ZCCHC7: variants seen among roughly 807,000 people sequenced by gnomAD.
ZCCHC7 encodes the protein zinc finger CCHC domain-containing protein 7.
ZCCHC7 carries 35 observed loss-of-function variants against 52.0 expected under a neutral mutation model. The observed-to-expected ratio is 0.67, with a 90% CI of 0.51 to 0.89. The LOEUF (loss-of-function observed/expected upper bound fraction) is 0.89. Ranked by LOEUF, ZCCHC7 falls within the 40% of genes least tolerant of loss-of-function variation. The pLI, the probability that ZCCHC7 is intolerant of heterozygous loss-of-function variation, is 0.00. For synonymous variants in ZCCHC7, 217 were observed against 221.5 expected (o/e 0.98, Z 0.18); for missense variants, 574 against 649.1 (o/e 0.88, Z 1.26).
chr9:37,343,115 G>A lies in ZCCHC7; in HGVS notation c.988-6242G>A, dbSNP rs553066208. Among the ~76,000 whole-genome samples the A allele has an allele frequency of 8.1e-4, 123 of 152,302 alleles. 5 individuals are homozygous for A. In the South Asian group the frequency reaches 0.025, roughly 30 times the overall value. On this transcript the variant is annotated intron_variant, in intron 6 of 8. Transcript: ENST00000336755. ...ACACGAGAATCTCGTAACAGTAATT[G>A]CCGTTGAGGAAAGGGGAACTGAGTG...
intron 2 of ZCCHC7, among the ~76,000 whole-genome samples, chr9:37,163,221 C>CA (rs931150865): frequency 2.5e-4 from 37 of 148,300 alleles, no homozygotes; most frequent in Admixed American, 1.1e-3. Flanking sequence ...AACAAACAAA[C>CA]AAAAAAAAAC....
intron 5 of ZCCHC7, among the ~76,000 whole-genome samples, chr9:37,318,137 A>C (rs1829900453): frequency 6.6e-6 from 1 of 151,898 alleles, no homozygotes; most frequent in South Asian, 2.1e-4. Flanking sequence ...ACTAGATGCA[A>C]CCCAAATATT....
intron 2 of ZCCHC7, among the ~76,000 whole-genome samples, chr9:37,149,413 A>AT (rs572738611): frequency 4.0e-5 from 6 of 150,830 alleles, no homozygotes; most frequent in East Asian, 1.9e-4. Flanking sequence ...TTTCCCACTT[A>AT]TTTTTTTTTA....
chr9:37,136,966 C>G (rs1843022897), intron 2 of ZCCHC7, among the ~76,000 whole-genome samples: 1 of 152,024 alleles, frequency 6.6e-6, no homozygotes, highest in African/African-American at 2.4e-5. Context: ...ATGGTGCTAT[C>G]CTTAAAGAAA....
intron 2 of ZCCHC7, among the ~76,000 whole-genome samples, chr9:37,213,410 T>A (rs1352880199): frequency 1.3e-5 from 2 of 152,160 alleles, no homozygotes; most frequent in Non-Finnish European, 2.9e-5. Flanking sequence ...ATATGTTATT[T>A]TAAGAAATAT....
intron 2 of ZCCHC7, among the ~76,000 whole-genome samples, chr9:37,172,174 T>C (rs952319193): frequency 6.6e-5 from 10 of 152,220 alleles, no homozygotes; most frequent in African/African-American, 2.4e-4. Context: ...TACATGTTAT[T>C]TCGTTTAGAT....
intron 2 of ZCCHC7, among the ~76,000 whole-genome samples, chr9:37,141,209 T>C (rs1843210647): frequency 6.6e-6 from 1 of 151,868 alleles, no homozygotes; most frequent in African/African-American, 2.4e-5. Context: ...TCTGCAAGAG[T>C]GCCCATGCTT....
At chr9:37,319,058 T>G (rs1287231679) in intron 5 of ZCCHC7, among the ~76,000 whole-genome samples, 1 of 152,220 alleles carries the variant, frequency 6.6e-6, no homozygotes, top group Non-Finnish European at 1.5e-5. Flanking sequence ...TATTTGCGAG[T>G]TCTATATTAG....
intron 2 of ZCCHC7, among the ~76,000 whole-genome samples, chr9:37,170,345 A>G (rs982761404): frequency 2.6e-5 from 4 of 152,180 alleles, no homozygotes; most frequent in Non-Finnish European, 1.5e-5. Flanking sequence ...AGATTGCTAC[A>G]CTCAAGAGTT....
intron 2 of ZCCHC7, among the ~76,000 whole-genome samples, chr9:37,290,212 GTAAC>G (rs1226724268): frequency 6.6e-6 from 1 of 152,196 alleles, no homozygotes; most frequent in Non-Finnish European, 1.5e-5. Context: ...GCAAATGATA[GTAAC>G]TGAGTTAATA....
chr9:37,232,570 T>C (rs1179907647), intron 2 of ZCCHC7, among the ~76,000 whole-genome samples: 1 of 152,212 alleles, frequency 6.6e-6, no homozygotes, highest in African/African-American at 2.4e-5. Flanking sequence ...GTTTTTGTAC[T>C]GCCTTGGAGC....
chr9:37,132,454 T>TCCTATCTA (rs1842824250), intron 2 of ZCCHC7, among the ~76,000 whole-genome samples: 1 of 152,136 alleles, frequency 6.6e-6, no homozygotes, highest in South Asian at 2.1e-4. Context: ...GTCTAATCTT[T>TCCTATCTA]CCTATCTATA....
chr9:37,210,186 T>A lies in ZCCHC7; in HGVS notation c.610+83244T>A, dbSNP rs532824981. Among the ~76,000 whole-genome samples, 4 of 152,240 alleles carry A rather than the reference T, an allele frequency of 2.6e-5. No individual in the cohort carries two copies. In the East Asian group the frequency reaches 5.8e-4, roughly 22 times the overall value. ...TTCTTTTTTGTCAGGAAGGGTGTTGTGTATGTGCACTTTATCCCTGAATGC... is the reference window on the plus strand; with the variant it reads ...TTCTTTTTTGTCAGGAAGGGTGTTGAGTATGTGCACTTTATCCCTGAATGC... On this transcript the variant is annotated intron_variant, in intron 2 of 8. Coordinates refer to ENST00000336755, the MANE Select transcript of ZCCHC7 (RefSeq NM_032226.3).
intron 2 of ZCCHC7, among the ~76,000 whole-genome samples, chr9:37,289,849 G>A (rs1219885747): frequency 6.6e-6 from 1 of 152,086 alleles, no homozygotes; most frequent in Non-Finnish European, 1.5e-5. Flanking sequence ...AAACACATCA[G>A]GAATATTTTT....
intron 2 of ZCCHC7, among the ~76,000 whole-genome samples, chr9:37,245,357 TAAAAG>T (rs1056873749): frequency 2.6e-5 from 4 of 151,960 alleles, no homozygotes; most frequent in Non-Finnish European, 2.9e-5. Context: ...AAGACTGAAA[TAAAAG>T]AAAGGAATTT....
chr9:37,199,285 C>T (rs972612492), intron 2 of ZCCHC7, among the ~76,000 whole-genome samples: 32 of 150,280 alleles, frequency 2.1e-4, no homozygotes, highest in Non-Finnish European at 7.4e-5. Context: ...TTCTGTCATT[C>T]TTGGTTTCTA....
chr9:37,257,877 G>A (rs901757272), intron 2 of ZCCHC7, among the ~76,000 whole-genome samples: 4 of 152,114 alleles, frequency 2.6e-5, no homozygotes, highest in African/African-American at 9.7e-5. Context: ...TATATAGCCT[G>A]CTGAAGAGTG....
intron 2 of ZCCHC7, among the ~76,000 whole-genome samples, chr9:37,218,823 C>T (rs1262428818): frequency 6.6e-6 from 1 of 151,500 alleles, no homozygotes; most frequent in Non-Finnish European, 1.5e-5. Flanking sequence ...AAAAATAAAA[C>T]GAATTGTATC....
chr9:37,229,575 A>AT (rs1825297007), intron 2 of ZCCHC7, among the ~76,000 whole-genome samples: 1 of 152,234 alleles, frequency 6.6e-6, no homozygotes, highest in Non-Finnish European at 1.5e-5. Context: ...TGCAGTAAAA[A>AT]ATATGGCATA....
Sources: allele counts gnomAD v4.1 joint callset (sites outside exome capture counted in the v4.1 genomes callset), GRCh38; gene constraint gnomAD v4.1.1; transcripts MANE v1.5; gene names NCBI Gene and HGNC (gene_info 2026-07-23, HGNC 2026-07-21).